THSD7A: variants seen among roughly 807,000 people sequenced by gnomAD.
THSD7A encodes thrombospondin type 1 domain containing 7A.
A neutral mutation model predicts 231.3 loss-of-function variants in THSD7A; 96 were observed. That is an observed-to-expected ratio of 0.41 (90% CI 0.35 to 0.49). The LOEUF is 0.49. Ranked by LOEUF, THSD7A falls within the 20% of genes least tolerant of loss-of-function variation. The pLI is 0.05. For missense variants in THSD7A, 2,290 were observed against 2,070.2 expected (o/e 1.11, Z -2.06); for synonymous variants, 940 against 743.3 (o/e 1.26, Z -4.30).
intron 6 of THSD7A, among the ~76,000 whole-genome samples, chr7:11,514,759 T>C (rs1787956918): frequency 6.6e-6 from 1 of 152,206 alleles, no homozygotes; most frequent in Non-Finnish European, 1.5e-5. Context: ...GTGCTTACTT[T>C]ATTAGTTGCT....
chr7:11,459,527 G>A (rs1361947447), intron 11 of THSD7A, among the ~76,000 whole-genome samples: 3 of 152,084 alleles, frequency 2.0e-5, no homozygotes, highest in Non-Finnish European at 4.4e-5. Flanking sequence ...AAAGTTGATG[G>A]TGGGAGATAC....
At chr7:11,533,626 A>G (rs1244525293) in intron 6 of THSD7A, among the ~76,000 whole-genome samples, 1 of 152,310 alleles carries the variant, frequency 6.6e-6, no homozygotes, top group East Asian at 1.9e-4. Context: ...CATCCTTGGC[A>G]AATAAACACA....
In THSD7A at chr7:11,374,062, C is replaced by G. The variant is rs1478078500; in HGVS notation, c.*1732G>C. 1 of 152,016 alleles carries G rather than the reference C, an allele frequency of 6.6e-6. No homozygotes were observed. The highest frequency in any genetic ancestry group is 1.5e-5 in the Non-Finnish European group (1 of 67,984). The allele number at this position is 152,016 out of a possible 1,614,324, so 9.4% of individuals were successfully genotyped here. A position where few individuals can be genotyped will look rare whatever the true frequency, so the allele number is the denominator to read the frequency against. ...GTGGGAAATGTAATGACTGTAAATT[C>G]TCACCTTTGAAAAATGAATGAAAAC... On this transcript the variant is annotated 3_prime_UTR_variant, in exon 28 of 28. Transcript: ENST00000423059.
intron 1 of THSD7A, among the ~76,000 whole-genome samples, chr7:11,699,068 A>T (rs137943575): frequency 6.0e-4 from 91 of 150,482 alleles, no homozygotes; most frequent in African/African-American, 2.2e-3. Context: ...CAAATACAGC[A>T]CTTTTTTTGT....
At chr7:11,711,374 A>T (rs1223246043) in intron 1 of THSD7A, among the ~76,000 whole-genome samples, 1 of 151,012 alleles carries the variant, frequency 6.6e-6, no homozygotes. Context: ...AATGCCCCCA[A>T]GTTAACATGG....
intron 4 of THSD7A, among the ~76,000 whole-genome samples, chr7:11,565,572 A>T (rs1002590464): frequency 3.9e-5 from 6 of 152,178 alleles, no homozygotes; most frequent in Non-Finnish European, 7.3e-5. Context: ...TCAGATAAAT[A>T]TTGAAAGCAG....
intron 6 of THSD7A, among the ~76,000 whole-genome samples, chr7:11,525,673 A>G (rs946312041): frequency 2.0e-5 from 3 of 152,194 alleles, no homozygotes; most frequent in African/African-American, 7.2e-5. Context: ...CAATAATTAT[A>G]AAAGATATTC....
chr7:11,464,972 A>G (rs1785642409), intron 9 of THSD7A, among the ~76,000 whole-genome samples: 1 of 152,196 alleles, frequency 6.6e-6, no homozygotes, highest in South Asian at 2.1e-4. Flanking sequence ...GCACACATTA[A>G]AAACAAAAAA....
At chr7:11,629,618 G>T (rs897863080) in intron 2 of THSD7A, among the ~76,000 whole-genome samples, 1 of 152,132 alleles carries the variant, frequency 6.6e-6, no homozygotes, top group Admixed American at 6.5e-5. Flanking sequence ...TCACAAAGTC[G>T]TAGCGTGGGG....
chr7:11,410,565 G>A (rs890996941), intron 19 of THSD7A: 7 of 152,192 alleles, frequency 4.6e-5, no homozygotes, highest in Non-Finnish European at 7.3e-5. Context: ...ACAACATAAA[G>A]TGTAGCTTCA....
In THSD7A at chr7:11,593,248, A is replaced by G; in HGVS notation, c.1271+6T>C. ...GCAGACGCTATACCCTTCTTTATTT[A>G]CTCACGTGGCACAGGGGACAACTCC... On this transcript the variant is annotated splice_donor_region_variant and intron_variant, in intron 3 of 27. Coordinates refer to ENST00000423059, the MANE Select transcript of THSD7A (RefSeq NM_015204.3). 1 of 1,613,574 alleles carries G rather than the reference A, an allele frequency of 6.2e-7. No individual in the cohort carries two copies. Among genetic ancestry groups the G allele is most frequent in the Non-Finnish European group, 8.5e-7 (1 of 1,179,820 alleles).
At chr7:11,542,912 T>A in intron 5 of THSD7A, 50 bp downstream of exon 5, 1 of 1,554,166 alleles carries the variant, frequency 6.4e-7, no homozygotes, top group South Asian at 1.2e-5. Flanking sequence ...TAATTCATGA[T>A]TTGATACAAT....
intron 1 of THSD7A, among the ~76,000 whole-genome samples, chr7:11,785,168 A>C (rs544651784): frequency 2.0e-5 from 3 of 152,272 alleles, no homozygotes; most frequent in East Asian, 3.9e-4. Flanking sequence ...TCTTAGCTTC[A>C]CTGTAGAGTA....
chr7:11,507,346 G>T (rs1787588126), intron 6 of THSD7A, among the ~76,000 whole-genome samples: 1 of 151,966 alleles, frequency 6.6e-6, no homozygotes, highest in African/African-American at 2.4e-5. Flanking sequence ...CCAATACAAA[G>T]ATAACTCAAA....
chr7:11,663,300 T>C (rs753199290), intron 1 of THSD7A, among the ~76,000 whole-genome samples: 46 of 151,448 alleles, frequency 3.0e-4, no homozygotes, highest in African/African-American at 9.9e-4. Flanking sequence ...ATATGACTTA[T>C]CAAAAATGAC....
chr7:11,395,603 C>T (rs1454069283), intron 23 of THSD7A, among the ~76,000 whole-genome samples: 1 of 151,440 alleles, frequency 6.6e-6, no homozygotes, highest in Non-Finnish European at 1.5e-5. Flanking sequence ...TCTCAGCTCA[C>T]TGCAACCTCC....
intron 1 of THSD7A, among the ~76,000 whole-genome samples, chr7:11,818,676 T>C (rs1476240672): frequency 6.6e-6 from 1 of 152,202 alleles, no homozygotes; most frequent in Non-Finnish European, 1.5e-5. Context: ...TTATTAACCA[T>C]ACCAGAGTCC....
chr7:11,727,944 T>C (rs560235464), intron 1 of THSD7A, among the ~76,000 whole-genome samples: 2 of 152,092 alleles, frequency 1.3e-5, no homozygotes, highest in East Asian at 3.9e-4. Flanking sequence ...TAAATGACAC[T>C]CCATGTCTAC....
Position 11,411,552 on chromosome 7 carries a change from C to T in THSD7A, c.3683-230G>A, listed in dbSNP as rs938391661. Among the ~76,000 whole-genome samples the T allele has an allele frequency of 3.3e-5, 5 of 152,170 alleles. No individual in the cohort carries two copies. Among genetic ancestry groups the T allele is most frequent in the Admixed American group, 1.3e-4 (2 of 15,268 alleles). On this transcript the variant is annotated intron_variant, in intron 18 of 27. Transcript: ENST00000423059. This position sits in a 1 kb window ranked among gnomAD's most constrained non-coding sequence, Gnocchi z 4.1. Reference sequence around the variant, plus strand: ...GATTATTCTTAAAGGCAGATGTCTACTTGAAAATCTTGATAGCTAGCCGTT... The same window carrying T: ...GATTATTCTTAAAGGCAGATGTCTATTTGAAAATCTTGATAGCTAGCCGTT...
Sources: gnomAD v4.1 joint callset for allele counts (sites outside exome capture counted in the v4.1 genomes callset) on GRCh38, gnomAD v4.1.1 for gene constraint, Gnocchi (gnomAD v3.1) non-coding constraint, MANE v1.5 for transcripts, NCBI Gene and HGNC (gene_info 2026-07-23, HGNC 2026-07-21) for gene names.